The following CAAP1 variants were observed in gnomAD, a reference collection of about 807,000 sequenced individuals.
CAAP1 encodes the protein conserved anti-apoptotic protein.
A neutral mutation model predicts 34.0 loss-of-function variants in CAAP1; 20 were observed. The ratio of observed to expected loss-of-function variants is 0.59; its 90% CI spans 0.41 to 0.86. The LOEUF (loss-of-function observed/expected upper bound fraction) is 0.86, where lower values mean the gene tolerates loss of function less well. Ranked by LOEUF, CAAP1 falls within the 40% of genes least tolerant of loss-of-function variation. The pLI is 0.00. For synonymous variants in CAAP1, 213 were observed against 166.7 expected (o/e 1.28, Z -2.14); for missense variants, 538 against 450.5 (o/e 1.19, Z -1.76).
In CAAP1 at chr9:26,842,327, C is replaced by G. The variant is rs1011913500; in HGVS notation, c.1060G>C (p.Ala354Pro). Residue 354 changes from alanine to proline, a missense_variant, in exon 6 of 6, where the codon GCT becomes CCT. Coordinates refer to ENST00000333916, the MANE Select transcript of CAAP1 (RefSeq NM_024828.4). ...TAGGCTGGCTTTTTTATATCACCAGCTTTCATTAGGGCTTTAATCGCTCTT... is the reference window on the plus strand; with the variant it reads ...TAGGCTGGCTTTTTTATATCACCAGGTTTCATTAGGGCTTTAATCGCTCTT... The part of the protein sequence containing the change: ...RARAIKALMK[A>P]GDIKKPA 6.3e-7 allele frequency: 1 copy of G among 1,583,266 alleles called. No homozygotes were observed. The highest frequency in any genetic ancestry group is 8.6e-7 in the Non-Finnish European group (1 of 1,166,380).
In CAAP1 at chr9:26,862,350, C is replaced by T. The variant is rs557783535; in HGVS notation, c.666-1211G>A. Among the ~76,000 whole-genome samples, 14 of 151,980 alleles carry T rather than the reference C, an allele frequency of 9.2e-5. No individual in the cohort carries two copies. The East Asian group carries it at 1.2e-3, about 13-fold the overall frequency. On this transcript the variant is annotated intron_variant, in intron 4 of 5. Transcript: ENST00000333916. ...CTTAAGTATCTTCCTTTAGAGAAAA[C>T]GTTTGCTTTCACACATCCTAGAATT...
rs573334499 is a variant in CAAP1, at chr9:26,888,666, T to G, written c.304-1153A>C. The stretch of plus-strand genomic sequence containing the variant: ...TCCTCATACACTGTTAGCAGGAATA[T>G]AAAATTGTGCAGCTACTTTGGAAGC... On this transcript the variant is annotated intron_variant, in intron 1 of 5. Coordinates refer to ENST00000333916, the MANE Select transcript of CAAP1 (RefSeq NM_024828.4). Among the ~76,000 whole-genome samples the G allele has an allele frequency of 3.3e-4, 51 of 152,344 alleles. 1 individual carries two copies. The South Asian group carries it at 0.011, about 32-fold the overall frequency.
intron 4 of CAAP1, among the ~76,000 whole-genome samples, chr9:26,872,553 A>ATATATATATATATATATATATAT (rs560375272): frequency 2.4e-4 from 34 of 142,544 alleles, no homozygotes; most frequent in African/African-American, 8.1e-4. Context: ...ATATACATAT[A>ATATATATATATATATATATATAT]ATATATATAT....
At chr9:26,887,677 T>C (rs902319494) in intron 1 of CAAP1, among the ~76,000 whole-genome samples, 164 bp from the exon 2 acceptor site, 2 of 152,194 alleles carry the variant, frequency 1.3e-5, no homozygotes, top group Non-Finnish European at 2.9e-5. Context: ...ATCTGTTTAA[T>C]ATTACTTGAT....
intron 5 of CAAP1, among the ~76,000 whole-genome samples, chr9:26,854,324 A>G (rs1458917948): frequency 6.6e-6 from 1 of 152,224 alleles, no homozygotes; most frequent in African/African-American, 2.4e-5. Context: ...GAGTTTAAGT[A>G]ACTTGCCCTA....
In CAAP1 at chr9:26,892,671, G is replaced by T. The variant is rs747382386; in HGVS notation, c.45C>A (p.Ser15Arg). 6.2e-7 allele frequency: 1 copy of T among 1,606,136 alleles called. No individual in the cohort carries two copies. The highest frequency in any genetic ancestry group is 8.5e-7 in the Non-Finnish European group (1 of 1,178,902). ...KSSREKRRKR[S>R]SQEAAAALAA... Reference sequence around the variant, plus strand: ...CGAGCGCTGCGGCCGCCTCCTGACTGCTACGTTTGCGCCGTTTCTCCCGGG... The same window carrying T: ...CGAGCGCTGCGGCCGCCTCCTGACTTCTACGTTTGCGCCGTTTCTCCCGGG... Residue 15 changes from serine (S) to arginine (R), a missense_variant, in exon 1 of 6, where the codon AGC becomes AGA. Transcript: ENST00000333916.
chr9:26,847,640 C>A (rs190726162), intron 5 of CAAP1, among the ~76,000 whole-genome samples: 216 of 151,970 alleles, frequency 1.4e-3, no homozygotes, highest in African/African-American at 5.0e-3. Flanking sequence ...ACCCTTTGCC[C>A]ATGTTTTTGT....
At chr9:26,875,084 T>TA (rs1823393647) in intron 4 of CAAP1, among the ~76,000 whole-genome samples, 1 of 152,180 alleles carries the variant, frequency 6.6e-6, no homozygotes, top group Non-Finnish European at 1.5e-5. Context: ...TACAGCTTCT[T>TA]AGACAATTTT....
intron 4 of CAAP1, among the ~76,000 whole-genome samples, chr9:26,863,043 A>C (rs1259701319): frequency 6.6e-6 from 1 of 152,164 alleles, no homozygotes; most frequent in Non-Finnish European, 1.5e-5. Flanking sequence ...GCAACATTGT[A>C]ATAAGTCTGA....
At chr9:26,856,674 T>C (rs1487823344) in intron 5 of CAAP1, among the ~76,000 whole-genome samples, 1 of 152,218 alleles carries the variant, frequency 6.6e-6, no homozygotes, top group Non-Finnish European at 1.5e-5. Flanking sequence ...TCCACTGTGT[T>C]AGACCAAAAA....
chr9:26,883,931 T>G (rs1823662764), intron 4 of CAAP1, among the ~76,000 whole-genome samples: 1 of 152,184 alleles, frequency 6.6e-6, no homozygotes, highest in Admixed American at 6.5e-5. Context: ...TTCATATAAA[T>G]TACCCTATAA....
At chr9:26,892,244 G>C (rs1823921475) in intron 1 of CAAP1, 169 bp downstream of exon 1, 2 of 1,487,946 alleles carry the variant, frequency 1.3e-6, no homozygotes, top group African/African-American at 1.4e-5. Context: ...ACACGGATGG[G>C]AGTGTGGGGC....
intron 5 of CAAP1, among the ~76,000 whole-genome samples, chr9:26,849,886 T>C (rs1822704060): frequency 1.3e-5 from 2 of 151,904 alleles, no homozygotes; most frequent in South Asian, 4.2e-4. Flanking sequence ...TCGCCCAGGC[T>C]GGAGTGCAGT....
rs1446498697 is a variant in CAAP1 at position 26,880,238 on chromosome 9, A to C, written c.665+4572T>G. 31 of 414,484 alleles carry C rather than the reference A, an allele frequency of 7.5e-5. 1 individual carries two copies. The Admixed American group carries it at 8.5e-4, about 11-fold the overall frequency. 25.7% of individuals were successfully genotyped at this position (414,484 alleles called of 1,614,324 possible). ...CAGCACACAGGCTGGTGTCTTCAAA[A>C]AGGACAACCAGATAGGCCTCACTTG... On this transcript the variant is annotated intron_variant, in intron 4 of 5. Coordinates refer to ENST00000333916, the MANE Select transcript of CAAP1 (RefSeq NM_024828.4).
rs537732424 is a variant in CAAP1 at position 26,867,212 on chromosome 9, T to C, written c.666-6073A>G. 2.4e-4 allele frequency among the ~76,000 whole-genome samples: 37 copies of C among 152,316 alleles called. No individual in the cohort carries two copies. In the South Asian group the frequency reaches 7.2e-3, roughly 30 times the overall value. On this transcript the variant is annotated intron_variant, in intron 4 of 5. Coordinates refer to ENST00000333916, the MANE Select transcript of CAAP1 (RefSeq NM_024828.4). ...AAACCAGTTCCTGGTGCCAAAAAGC[T>C]TGGGGATCGCTGCTCTATAGAAGAC... is the stretch of plus-strand genomic sequence containing the variant.
chr9:26,863,079 A>G (rs908006505), intron 4 of CAAP1, among the ~76,000 whole-genome samples: 4 of 152,166 alleles, frequency 2.6e-5, no homozygotes, highest in Non-Finnish European at 5.9e-5. Context: ...TTTTAATAAT[A>G]ATGCAATGTA....
chr9:26,858,696 G>C (rs902195344), intron 5 of CAAP1, among the ~76,000 whole-genome samples: 1 of 151,984 alleles, frequency 6.6e-6, no homozygotes, highest in Non-Finnish European at 1.5e-5. Context: ...GGTGGGGAGC[G>C]CCTGTAGTCC....
chr9:26,845,947 G>A lies in CAAP1; in HGVS notation c.740-3300C>T, dbSNP rs530540914. 7.9e-5 allele frequency among the ~76,000 whole-genome samples: 12 copies of A among 151,938 alleles called. No individual in the cohort carries two copies. In the South Asian group the frequency reaches 2.5e-3, roughly 32 times the overall value. On this transcript the variant is annotated intron_variant, in intron 5 of 5. Coordinates refer to ENST00000333916, the MANE Select transcript of CAAP1 (RefSeq NM_024828.4). ...ATTTCTCTAACAGATCTTTTTCTTT[G>A]ATATAAAATGGATGAGGGGTAGGCC...
At chr9:26,870,583 T>C (rs1823250067) in intron 4 of CAAP1, among the ~76,000 whole-genome samples, 1 of 123,362 alleles carries the variant, frequency 8.1e-6, no homozygotes, top group Non-Finnish European at 1.7e-5. Flanking sequence ...TACACACATA[T>C]ATACGTGTGT....
Sources: gnomAD v4.1 joint callset for allele counts (sites outside exome capture counted in the v4.1 genomes callset) on GRCh38, gnomAD v4.1.1 for gene constraint, MANE v1.5 for transcripts, NCBI Gene and HGNC (gene_info 2026-07-23, HGNC 2026-07-21) for gene names.